The following PHC2 variants were observed in gnomAD, a reference collection of about 807,000 sequenced individuals.
PHC2 encodes the protein polyhomeotic homolog 2.
PHC2 carries 29 observed loss-of-function variants against 87.4 expected under a neutral mutation model. The ratio of observed to expected loss-of-function variants is 0.33; its 90% CI spans 0.25 to 0.45. The LOEUF (loss-of-function observed/expected upper bound fraction) is 0.45, where lower values mean the gene tolerates loss of function less well. PHC2 is among the 20% of genes least tolerant of loss of function. The pLI, the probability that PHC2 is intolerant of heterozygous loss-of-function variation, is 1.00. For missense variants in PHC2, 857 were observed against 1,136.7 expected, an observed-to-expected ratio of 0.75 and a Z score of 3.54; for synonymous variants, 438 against 461.7, an observed-to-expected ratio of 0.95 and a Z score of 0.66.
Position 33,367,205 on chromosome 1 carries a change from C to T in PHC2, c.887G>A (p.Gly296Asp). 1 of 1,614,238 alleles carries T rather than the reference C, an allele frequency of 6.2e-7. No individual in the cohort carries two copies. Among genetic ancestry groups the T allele is most frequent in the Non-Finnish European group, 8.5e-7 (1 of 1,180,038 alleles). ...SVMEPHKKGD[G>D]NSSVPGSMEG... The stretch of plus-strand genomic sequence containing the variant: ...CATGCTCCCTGGCACACTGCTGTTG[C>T]CATCTCCTTTCTTGTGTGGCTCCAT... The change falls in exon 7 of 15, where the codon GGC becomes GAC. Residue 296 changes from glycine to aspartate, a missense_variant. Physicochemically the swap from Gly to Asp is moderately conservative, Grantham distance 94. This residue lies in a region of PHC2 where 832 missense variants were observed against 1,081.8 expected (regional missense o/e 0.77). Transcript: ENST00000683057.
chr1:33,327,110 A>G (rs576783062), intron 14 of PHC2, among the ~76,000 whole-genome samples: 4 of 152,306 alleles, frequency 2.6e-5, no homozygotes, highest in South Asian at 4.1e-4. Context: ...TTGAGTCCCA[A>G]TTGAGGAAAT....
chr1:33,367,064 C>T, intron 7 of PHC2, 52 bp downstream of exon 7: 1 of 1,489,262 alleles, frequency 6.7e-7, no homozygotes. Context: ...CTCCTCCTGA[C>T]TCACGGCCCT....
intron 9 of PHC2, among the ~76,000 whole-genome samples, chr1:33,341,690 C>T (rs943850454): frequency 2.0e-5 from 3 of 152,202 alleles, no homozygotes; most frequent in South Asian, 2.1e-4. Flanking sequence ...TCCCCCACAA[C>T]GAATTTACAC....
At chr1:33,377,817 G>A (rs1164794691) in intron 1 of PHC2, among the ~76,000 whole-genome samples, 1 of 152,056 alleles carries the variant, frequency 6.6e-6, no homozygotes, top group Non-Finnish European at 1.5e-5. Flanking sequence ...CATTGCTCAG[G>A]CTGCCTTCTT....
In PHC2 at chr1:33,330,149, C is replaced by T. The variant is rs755007439; in HGVS notation, c.2070G>A (p.Lys690=). ...LFHSDRSKLQ[K]AGAATHNRRR... is the part of the protein sequence containing the mutation. ...GGCGGTTGTGGGTCGCAGCTCCTGC[C>T]TTCTGCAGCTTGCTCCGGTCTGAGT... is the stretch of plus-strand genomic sequence containing the variant. Residue 690 remains lysine (K), a synonymous_variant, in exon 13 of 15, where the codon AAG becomes AAA. Transcript: ENST00000683057. 2.5e-6 allele frequency: 4 copies of T among 1,614,230 alleles called. No homozygotes were observed. The highest frequency in any genetic ancestry group is 1.1e-5 in the South Asian group (1 of 91,088).
rs536046796 is a variant in PHC2 at position 33,400,225 on chromosome 1, T to C, written c.-54-24632A>G. On this transcript the variant is annotated intron_variant, in intron 1 of 14. Coordinates refer to ENST00000683057, the MANE Select transcript of PHC2 (RefSeq NM_001385109.1). ...TGGAATATCTGTTTTAGAGGGCAAT[T>C]TGGCAATATTTTTAGCTGCATACTC... is the stretch of plus-strand genomic sequence containing the variant. Among the ~76,000 whole-genome samples the C allele has an allele frequency of 7.9e-5, 12 of 152,300 alleles. No homozygotes were observed. In the South Asian group the frequency reaches 8.3e-4, roughly 11 times the overall value.
At chr1:33,347,522 A>C in intron 9 of PHC2, 4 of 985,428 alleles carry the variant, frequency 4.1e-6, no homozygotes, top group Non-Finnish European at 4.8e-6. Flanking sequence ...AAACACCAAC[A>C]TTCATTAAGC....
chr1:33,403,289 G>C (rs1649623433), intron 1 of PHC2, among the ~76,000 whole-genome samples: 1 of 149,308 alleles, frequency 6.7e-6, no homozygotes, highest in South Asian at 2.1e-4. Flanking sequence ...ACCACGCCCA[G>C]GTAATTTTTG....
intron 2 of PHC2, among the ~76,000 whole-genome samples, chr1:33,375,105 C>A (rs1648092972): frequency 6.6e-6 from 1 of 152,184 alleles, no homozygotes; most frequent in Admixed American, 6.5e-5. Flanking sequence ...GGCTGAGCAG[C>A]TCTTGGTCAT....
chr1:33,328,778 C>T (rs1646426461), intron 14 of PHC2, 92 bp downstream of exon 14: 7 of 1,309,406 alleles, frequency 5.3e-6, no homozygotes, highest in Admixed American at 2.2e-5. Flanking sequence ...GAGTCATTAA[C>T]TAAACTACCT....
intron 1 of PHC2, among the ~76,000 whole-genome samples, chr1:33,414,829 C>A (rs1473716777): frequency 6.6e-6 from 1 of 152,156 alleles, no homozygotes; most frequent in African/African-American, 2.4e-5. Flanking sequence ...GACAGAATTT[C>A]TTTAAAGAAA....
At chr1:33,393,853 T>C (rs1649183952) in intron 1 of PHC2, among the ~76,000 whole-genome samples, 4 of 152,204 alleles carry the variant, frequency 2.6e-5, no homozygotes, top group Admixed American at 2.6e-4. Flanking sequence ...ATTTGGAGTT[T>C]TACATACTTG....
chr1:33,383,905 G>T (rs1438248720), intron 1 of PHC2, among the ~76,000 whole-genome samples: 4 of 91,918 alleles, frequency 4.4e-5, no homozygotes, highest in African/African-American at 1.8e-4. Context: ...GAAGGACTCA[G>T]GGGGAGCATG....
chr1:33,397,159 A>G (rs1192501139), intron 1 of PHC2, among the ~76,000 whole-genome samples: 3 of 152,222 alleles, frequency 2.0e-5, no homozygotes, highest in African/African-American at 7.2e-5. Flanking sequence ...CAGAGCATTC[A>G]GCACAGGGTC....
chr1:33,387,918 C>T (rs1293288349), intron 1 of PHC2, among the ~76,000 whole-genome samples: 1 of 152,264 alleles, frequency 6.6e-6, no homozygotes. Flanking sequence ...TGCCTGGTAT[C>T]CCTGAAATCA....
rs1553186433 is a variant in PHC2, at chr1:33,364,410, A to ACG, written c.976+2705_976+2706insCG. Among the ~76,000 whole-genome samples the ACG allele has an allele frequency of 0.012, 1,749 of 149,904 alleles. 9 individuals are homozygous for ACG. The highest frequency in any genetic ancestry group is 0.017 in the Middle Eastern group (5 of 286). ...TGCTTTCACACACACACACACACACACACACACACACACACGCTCAAGCAC... is the reference window on the plus strand; with the variant it reads ...TGCTTTCACACACACACACACACACACGCACACACACACACACGCTCAAGCAC... On this transcript the variant is annotated intron_variant, in intron 7 of 14. Coordinates refer to ENST00000683057, the MANE Select transcript of PHC2 (RefSeq NM_001385109.1). This position sits in a 1 kb window ranked among gnomAD's most constrained non-coding sequence, Gnocchi z 4.1.
At chr1:33,380,070 A>C (rs761141877) in intron 1 of PHC2, among the ~76,000 whole-genome samples, 5 of 152,026 alleles carry the variant, frequency 3.3e-5, no homozygotes, top group Non-Finnish European at 5.9e-5. Context: ...CCCAGCTTGC[A>C]CCCTCTGTTC....
intron 1 of PHC2, among the ~76,000 whole-genome samples, chr1:33,385,370 G>A (rs1034915436): frequency 1.3e-5 from 2 of 152,196 alleles, no homozygotes; most frequent in Admixed American, 6.5e-5. Flanking sequence ...GTTTAGAAAA[G>A]GGGAGAGACG....
rs1398654362 is a variant in PHC2 at position 33,331,110 on chromosome 1, G to C, written c.2006+238C>G. 6.6e-6 allele frequency among the ~76,000 whole-genome samples: 1 copy of C among 152,210 alleles called. No homozygotes were observed. The highest frequency in any genetic ancestry group is 1.5e-5 in the Non-Finnish European group (1 of 68,034). ...GTGCCAGTGGAGCCCAGGAGGGCCA[G>C]CCGAGCCAAAGCACTGCGGCTTTTC... On this transcript the variant is annotated intron_variant, in intron 12 of 14. Coordinates refer to ENST00000683057, the MANE Select transcript of PHC2 (RefSeq NM_001385109.1). This position sits in a 1 kb window ranked among gnomAD's most constrained non-coding sequence, Gnocchi z 5.2.
Sources: gnomAD v4.1 joint callset for allele counts (sites outside exome capture counted in the v4.1 genomes callset) on GRCh38, gnomAD v4.1.1 for gene constraint, gnomAD v4.1.1 regional missense constraint, Gnocchi (gnomAD v3.1) non-coding constraint, MANE v1.5 for transcripts, NCBI Gene and HGNC (gene_info 2026-07-23, HGNC 2026-07-21) for gene names.